ACVR2A: variants seen among roughly 807,000 people sequenced by gnomAD.
ACVR2A encodes the protein activin receptor type-2A.
In ACVR2A, 7 loss-of-function variants were observed where a neutral mutation model predicts 61.4. The ratio of observed to expected loss-of-function variants is 0.11; its 90% confidence interval spans 0.06 to 0.21. ACVR2A has a LOEUF of 0.21. ACVR2A is among the 10% of genes least tolerant of loss of function. The pLI is 1.00. For synonymous variants in ACVR2A, 193 were observed against 208.3 expected, an observed-to-expected ratio of 0.93 and a Z score of 0.63; for missense variants, 322 against 621.7, an observed-to-expected ratio of 0.52 and a Z score of 5.13.
chr2:147,850,170 T>G (rs893216711), intron 1 of ACVR2A, among the ~76,000 whole-genome samples: 1 of 152,124 alleles, frequency 6.6e-6, no homozygotes, highest in Non-Finnish European at 1.5e-5. Flanking sequence ...TTTCCTCCCT[T>G]CTTTGTCTAC....
chr2:147,904,593 T>G (rs1458014829), intron 4 of ACVR2A, among the ~76,000 whole-genome samples: 1 of 151,994 alleles, frequency 6.6e-6, no homozygotes, highest in Non-Finnish European at 1.5e-5. Context: ...TGATAAGGAC[T>G]AAAGCTTTGG....
At chr2:147,903,854 T>C (rs571145408) in intron 4 of ACVR2A, among the ~76,000 whole-genome samples, 1 of 152,152 alleles carries the variant, frequency 6.6e-6, no homozygotes, top group African/African-American at 2.4e-5. Flanking sequence ...TAATTACTGC[T>C]GTGTCTTACA....
rs527420026 is a variant in ACVR2A at position 147,926,198 on chromosome 2, A to G, written c.1347+37A>G. On this transcript the variant is annotated intron_variant, in intron 10 of 10. Coordinates refer to ENST00000241416, the MANE Select transcript of ACVR2A (RefSeq NM_001616.5). ...AGTTAGCTTTTCATTTGAAATTCCA[A>G]TAAAACACTTTTCAGAGGAATTATT... is the stretch of plus-strand genomic sequence containing the variant. 15 of 1,589,288 alleles carry G rather than the reference A, an allele frequency of 9.4e-6. No individual in the cohort carries two copies. The African/African-American group carries it at 1.2e-4, about 13-fold the overall frequency.
rs1687651528 is a variant in ACVR2A at position 147,930,418 on chromosome 2, A to C, written c.*3144A>C. On this transcript the variant is annotated 3_prime_UTR_variant, in exon 11 of 11. Coordinates refer to ENST00000241416, the MANE Select transcript of ACVR2A (RefSeq NM_001616.5). ...AGATACTTTCCAGTTTCTCTTTTAT[A>C]CTTTTTTGAAAGATTACTTTTTAGG... is the stretch of plus-strand genomic sequence containing the variant. The C allele has an allele frequency of 6.8e-6, 1 of 147,370 alleles. No homozygotes were observed. The highest frequency in any genetic ancestry group is 2.5e-5 in the African/African-American group (1 of 39,766). The allele number at this position is 147,370 out of a possible 1,614,324, so 9.1% of individuals were successfully genotyped here. A position where few individuals can be genotyped will look rare whatever the true frequency, so the allele number is the denominator to read the frequency against.
chr2:147,917,619 CT>C (rs1478969486), intron 6 of ACVR2A, among the ~76,000 whole-genome samples, 193 bp downstream of exon 6: 1 of 151,868 alleles, frequency 6.6e-6, no homozygotes, highest in Non-Finnish European at 1.5e-5. Flanking sequence ...AAGATGGCAA[CT>C]TTTTAACCTA....
At chr2:147,853,270 G>A (rs1345281592) in intron 1 of ACVR2A, among the ~76,000 whole-genome samples, 2 of 152,096 alleles carry the variant, frequency 1.3e-5, no homozygotes, top group East Asian at 3.8e-4. Context: ...CTCTTAAAGA[G>A]GCAGACACTG....
intron 1 of ACVR2A, among the ~76,000 whole-genome samples, chr2:147,892,532 A>G (rs566669070): frequency 5.6e-5 from 8 of 141,724 alleles, no homozygotes; most frequent in African/African-American, 2.1e-4. Flanking sequence ...AATATTTACC[A>G]TATCAAAAAT....
At chr2:147,900,032 A>G in intron 4 of ACVR2A, 134 bp downstream of exon 4, 1 of 987,248 alleles carries the variant, frequency 1.0e-6, no homozygotes, top group Non-Finnish European at 1.5e-6. Context: ...TGTCATGAGA[A>G]CTCTAGCTAA....
At chr2:147,874,777 T>C (rs990920197) in intron 1 of ACVR2A, among the ~76,000 whole-genome samples, 2 of 152,018 alleles carry the variant, frequency 1.3e-5, no homozygotes, top group African/African-American at 4.8e-5. Context: ...GTAGGAATAA[T>C]AATACCTATT....
intron 1 of ACVR2A, among the ~76,000 whole-genome samples, chr2:147,868,251 G>A (rs1295410380): frequency 6.6e-6 from 1 of 152,172 alleles, no homozygotes; most frequent in Non-Finnish European, 1.5e-5. Flanking sequence ...TGGGGAAGAG[G>A]ATTCTGTACA....
intron 1 of ACVR2A, among the ~76,000 whole-genome samples, chr2:147,870,612 A>T (rs1372519646): frequency 1.3e-5 from 2 of 152,108 alleles, no homozygotes; most frequent in African/African-American, 4.8e-5. Context: ...GTATGCAGTA[A>T]CTCTGAATAT....
intron 3 of ACVR2A, 84 bp downstream of exon 3, chr2:147,899,651 CT>C: frequency 6.3e-7 from 1 of 1,583,638 alleles, no homozygotes; most frequent in Non-Finnish European, 8.6e-7. Flanking sequence ...TAATTTGCCC[CT>C]ACCTCTTCCC....
At chr2:147,875,308 C>T (rs1445128998) in intron 1 of ACVR2A, among the ~76,000 whole-genome samples, 2 of 151,964 alleles carry the variant, frequency 1.3e-5, no homozygotes, top group East Asian at 1.9e-4. Context: ...CAAAAAGCCA[C>T]CCTACCGTGA....
chr2:147,848,879 A>C (rs1227790091), intron 1 of ACVR2A, among the ~76,000 whole-genome samples: 1 of 152,140 alleles, frequency 6.6e-6, no homozygotes, highest in African/African-American at 2.4e-5. Flanking sequence ...TTATTAGTAA[A>C]AGGGCTCTGC....
chr2:147,881,606 T>A (rs1686301151), intron 1 of ACVR2A, among the ~76,000 whole-genome samples: 1 of 31,734 alleles, frequency 3.2e-5, no homozygotes, highest in Non-Finnish European at 1.4e-4. Context: ...CTGCTTAGTG[T>A]GTGTGTGTGT....
At chr2:147,852,756 G>A (rs139119691) in intron 1 of ACVR2A, among the ~76,000 whole-genome samples, 164 of 152,082 alleles carry the variant, frequency 1.1e-3, no homozygotes, top group Middle Eastern at 3.4e-3. Flanking sequence ...AGTCTTAGAC[G>A]GAGATTAGGA....
intron 1 of ACVR2A, among the ~76,000 whole-genome samples, chr2:147,854,679 A>G (rs907716998): frequency 6.6e-6 from 1 of 152,204 alleles, no homozygotes; most frequent in Admixed American, 6.5e-5. Flanking sequence ...CATGCTAGAC[A>G]CTATGGTAAG....
chr2:147,865,423 T>A (rs773454995), intron 1 of ACVR2A, among the ~76,000 whole-genome samples: 1 of 152,232 alleles, frequency 6.6e-6, no homozygotes, highest in Non-Finnish European at 1.5e-5. Context: ...GATTATGAAT[T>A]GACTTTTCTA....
At chr2:147,861,351 A>G (rs950219082) in intron 1 of ACVR2A, among the ~76,000 whole-genome samples, 2 of 152,224 alleles carry the variant, frequency 1.3e-5, no homozygotes, top group Middle Eastern at 3.4e-3. Context: ...TATTTATTTG[A>G]CTCTGATTTA....
Sources: gnomAD v4.1 joint callset for allele counts (sites outside exome capture counted in the v4.1 genomes callset) on GRCh38, gnomAD v4.1.1 for gene constraint, MANE v1.5 for transcripts, NCBI Gene and HGNC (gene_info 2026-07-23, HGNC 2026-07-21) for gene names.